Variants in LRRC37A2 observed in about 807,000 individuals in gnomAD.
LRRC37A2 encodes the protein leucine rich repeat containing 37 member A2.
A neutral mutation model predicts 68.8 loss-of-function variants in LRRC37A2; 9 were observed. The observed-to-expected ratio is 0.13, with a 90% confidence interval of 0.08 to 0.23. The LOEUF is 0.23. LRRC37A2 is among the 10% of genes least tolerant of loss of function. The probability of loss-of-function intolerance (pLI) is 1.00; values close to 1 mark genes in which losing one functional copy is unlikely to be tolerated. For synonymous variants in LRRC37A2, 63 were observed against 367.6 expected (o/e 0.17, Z 9.48); for missense variants, 168 against 950.4 (o/e 0.18, Z 10.82).
the LRRC37A2 span, chr17:46,885,040 G>A: frequency 6.8e-6 from 3 of 440,848 alleles, no homozygotes; most frequent in Admixed American, 2.5e-5. Flanking sequence ...GCAGGTTGGA[G>A]TGCAGTGGCA....
the LRRC37A2 span, among the ~76,000 whole-genome samples, chr17:47,038,521 C>T: frequency 1.3e-5 from 2 of 151,022 alleles, no homozygotes; most frequent in Non-Finnish European, 2.9e-5. Context: ...AATTTTATAA[C>T]GTTGTAGTTC....
At chr17:46,877,634 C>T in the LRRC37A2 span, among the ~76,000 whole-genome samples, 10 of 152,186 alleles carry the variant, frequency 6.6e-5, no homozygotes, top group Non-Finnish European at 1.3e-4. Flanking sequence ...CTGGCAGTGA[C>T]GTGGCGAGCT....
chr17:46,558,350 G>A (rs1186247445), downstream of LRRC37A2, among the ~76,000 whole-genome samples: 4 of 109,514 alleles, frequency 3.7e-5, no homozygotes, highest in Non-Finnish European at 7.2e-5. Flanking sequence ...GCGAGCTACC[G>A]CGCCTGGCTT....
chr17:46,856,987 T>G, the LRRC37A2 span, among the ~76,000 whole-genome samples: 3 of 152,234 alleles, frequency 2.0e-5, no homozygotes, highest in African/African-American at 7.2e-5. Flanking sequence ...TTTTGCCTAT[T>G]CTGGAAGTTT....
chr17:46,985,257 A>T, the LRRC37A2 span, among the ~76,000 whole-genome samples: 4 of 152,348 alleles, frequency 2.6e-5, no homozygotes, highest in East Asian at 7.7e-4. Flanking sequence ...CAGGCCAACC[A>T]TGCCTGTAAT....
At chr17:46,993,903 A>C in the LRRC37A2 span, among the ~76,000 whole-genome samples, 1 of 152,190 alleles carries the variant, frequency 6.6e-6, no homozygotes, top group Non-Finnish European at 1.5e-5. Flanking sequence ...AACTCCTTGA[A>C]GGTCACACAG....
the LRRC37A2 span, among the ~76,000 whole-genome samples, chr17:46,929,206 A>G: frequency 6.6e-6 from 1 of 152,196 alleles, no homozygotes; most frequent in African/African-American, 2.4e-5. Context: ...TGAACAAGTT[A>G]CATAACCTTT....
the LRRC37A2 span, among the ~76,000 whole-genome samples, chr17:46,881,787 T>C: frequency 6.6e-6 from 1 of 152,230 alleles, no homozygotes; most frequent in Non-Finnish European, 1.5e-5. Context: ...TGTCTTTGCA[T>C]TTGCAATATC....
the LRRC37A2 span, among the ~76,000 whole-genome samples, chr17:46,761,045 G>A: frequency 4.6e-3 from 694 of 152,282 alleles, no homozygotes; most frequent in African/African-American, 0.016. Context: ...ACCTGCATTA[G>A]CTTTATGCAA....
chr17:46,812,469 G>A, the LRRC37A2 span, among the ~76,000 whole-genome samples: 1 of 152,118 alleles, frequency 6.6e-6, no homozygotes, highest in Non-Finnish European at 1.5e-5. Flanking sequence ...TGCTCTGGGC[G>A]GCCCTGGTGC....
At chr17:46,860,368 G>A in the LRRC37A2 span, among the ~76,000 whole-genome samples, 1 of 152,148 alleles carries the variant, frequency 6.6e-6, no homozygotes, top group African/African-American at 2.4e-5. Context: ...GGTGCTGTGA[G>A]GGTGACTCCC....
chr17:46,747,419 G>A, the LRRC37A2 span, among the ~76,000 whole-genome samples: 2,016 of 152,010 alleles, frequency 0.013, 53 homozygotes, highest in African/African-American at 0.047. Context: ...TACCTGGGAC[G>A]ACAGGCATTT....
At chr17:46,808,794 A>AC in the LRRC37A2 span, among the ~76,000 whole-genome samples, 1 of 152,166 alleles carries the variant, frequency 6.6e-6, no homozygotes, top group Non-Finnish European at 1.5e-5. Context: ...TACAAGTGGA[A>AC]CTGGGATTAA....
chr17:46,911,324 T>A, the LRRC37A2 span: 1 of 151,876 alleles, frequency 6.6e-6, no homozygotes, highest in Non-Finnish European at 1.5e-5. Flanking sequence ...GAAAATGGGG[T>A]CCCAAAAGGA....
At chr17:46,819,017 A>G in the LRRC37A2 span, among the ~76,000 whole-genome samples, 2 of 151,940 alleles carry the variant, frequency 1.3e-5, no homozygotes, top group African/African-American at 2.4e-5. The surrounding 1 kb of genome is among the most constrained non-coding windows in gnomAD (Gnocchi z 5.3). Context: ...GGGGGCTTTG[A>G]CCCGGGCGTT....
chr17:47,037,755 C>A, the LRRC37A2 span, among the ~76,000 whole-genome samples: 5 of 152,302 alleles, frequency 3.3e-5, no homozygotes, highest in Admixed American at 2.6e-4. Flanking sequence ...TGGTCTTCAG[C>A]TTTTCTTAGT....
chr17:46,864,776 C>A, the LRRC37A2 span, among the ~76,000 whole-genome samples: 1 of 152,308 alleles, frequency 6.6e-6, no homozygotes, highest in East Asian at 1.9e-4. Context: ...TGCTACCAAG[C>A]CAGTGGGTCG....
chr17:46,864,190 G>A, the LRRC37A2 span, among the ~76,000 whole-genome samples: 5 of 152,280 alleles, frequency 3.3e-5, no homozygotes, highest in African/African-American at 7.2e-5. Context: ...TGGTCAATGC[G>A]TCATGGTTAA....
chr17:47,037,637 A>G, the LRRC37A2 span, among the ~76,000 whole-genome samples: 1 of 152,174 alleles, frequency 6.6e-6, no homozygotes, highest in Non-Finnish European at 1.5e-5. Context: ...CCCTCATAGA[A>G]TAAGTTAGGA....
Sources: gnomAD v4.1 joint callset for allele counts (sites outside exome capture counted in the v4.1 genomes callset) on GRCh38, gnomAD v4.1.1 for gene constraint, Gnocchi (gnomAD v3.1) non-coding constraint, MANE v1.5 for transcripts, NCBI Gene and HGNC (gene_info 2026-07-23, HGNC 2026-07-21) for gene names.